The following CDH18 variants were observed in gnomAD, a reference collection of about 807,000 sequenced individuals.
The protein encoded by CDH18 is cadherin 18.
Under a neutral mutation model 67.9 loss-of-function variants are expected in CDH18, and 31 were observed. That is an observed-to-expected ratio of 0.46 (90% CI 0.34 to 0.62). The LOEUF is 0.62. Ranked by LOEUF, CDH18 falls within the 20% of genes least tolerant of loss-of-function variation. CDH18 has a pLI of 0.01. For synonymous variants in CDH18, 362 were observed against 347.2 expected, an observed-to-expected ratio of 1.04 and a Z score of -0.48; for missense variants, 890 against 975.5, an observed-to-expected ratio of 0.91 and a Z score of 1.17.
At chr5:20,243,131 G>A (rs1023975642) in intron 2 of CDH18, among the ~76,000 whole-genome samples, 2 of 152,088 alleles carry the variant, frequency 1.3e-5, no homozygotes, top group African/African-American at 4.8e-5. Context: ...TGGATTCTAA[G>A]GTCTTCCTGG....
chr5:19,769,379 G>A (rs193031387), intron 3 of CDH18, among the ~76,000 whole-genome samples: 136 of 152,194 alleles, frequency 8.9e-4, no homozygotes, highest in East Asian at 2.7e-3. Context: ...CAGAAGCTAG[G>A]AGGGAGTTGG....
At position 20,008,179 on chromosome 5, in the gene CDH18, T is replaced by C. The variant is rs1737082446; in HGVS notation, c.-517-16165A>G. Among the ~76,000 whole-genome samples the C allele has an allele frequency of 2.6e-5, 4 of 152,158 alleles. No individual in the cohort carries two copies. In the South Asian group the frequency reaches 6.2e-4, roughly 24 times the overall value. On this transcript the variant is annotated intron_variant, in intron 2 of 14. Coordinates refer to the CDH18 transcript ENST00000507958. ...GAGATGTGTCTATGTGTGATGGCAATGCACAGTTTGCTTTGGGAATTATAT... is the reference window on the plus strand; with the variant it reads ...GAGATGTGTCTATGTGTGATGGCAACGCACAGTTTGCTTTGGGAATTATAT...
At chr5:20,569,008 C>G (rs1449352062) in intron 1 of CDH18, among the ~76,000 whole-genome samples, 5 of 152,086 alleles carry the variant, frequency 3.3e-5, no homozygotes, top group African/African-American at 1.2e-4. Context: ...CATAATGCAC[C>G]CATATTCATC....
intron 1 of CDH18, among the ~76,000 whole-genome samples, chr5:20,572,011 G>A (rs1281640856): frequency 1.3e-5 from 2 of 152,008 alleles, no homozygotes; most frequent in South Asian, 2.1e-4. Flanking sequence ...AAAGTCTACG[G>A]TGCAATTCAA....
Position 20,536,530 on chromosome 5 carries a change from G to A in CDH18, c.-580+38932C>T, listed in dbSNP as rs145196097. 3.2e-3 allele frequency among the ~76,000 whole-genome samples: 485 copies of A among 152,210 alleles called. 4 individuals are homozygous for A. Among genetic ancestry groups the A allele is most frequent in the African/African-American group, 5.2e-3 (214 of 41,544 alleles). On this transcript the variant is annotated intron_variant, in intron 1 of 14. Coordinates refer to the CDH18 transcript ENST00000507958. ...TGCTTCTGGTGCTGTAGGCCTGAAC[G>A]GTGCCTGGGAGTCAGTACTGTGCTT...
intron 2 of CDH18, among the ~76,000 whole-genome samples, chr5:20,227,086 G>C (rs748797386): frequency 1.3e-4 from 20 of 151,920 alleles, no homozygotes; most frequent in Middle Eastern, 6.8e-3. Context: ...TTGCACAGTT[G>C]GTGAGACCCA....
chr5:20,082,783 G>C (rs1744594638), intron 2 of CDH18, among the ~76,000 whole-genome samples: 1 of 152,190 alleles, frequency 6.6e-6, no homozygotes, highest in Non-Finnish European at 1.5e-5. Context: ...CATATGCGGA[G>C]AAAGACAGTG....
intron 2 of CDH18, among the ~76,000 whole-genome samples, chr5:20,250,181 C>T (rs1254850994): frequency 6.6e-6 from 1 of 152,136 alleles, no homozygotes; most frequent in Non-Finnish European, 1.5e-5. Context: ...TTTACAAAGA[C>T]AATTTGTGTA....
chr5:20,213,707 T>C (rs1326607517), intron 2 of CDH18, among the ~76,000 whole-genome samples: 8 of 152,094 alleles, frequency 5.3e-5, no homozygotes, highest in Non-Finnish European at 1.0e-4. Flanking sequence ...TGTTGGTTAT[T>C]TGTACTTCTG....
At chr5:19,959,431 A>G (rs1796582273) in intron 2 of CDH18, among the ~76,000 whole-genome samples, 1 of 152,128 alleles carries the variant, frequency 6.6e-6, no homozygotes, top group Non-Finnish European at 1.5e-5. Flanking sequence ...TTTTATAAAC[A>G]TAATTGTAAG....
chr5:19,925,303 C>T (rs527790323), intron 2 of CDH18, among the ~76,000 whole-genome samples: 15 of 152,098 alleles, frequency 9.9e-5, no homozygotes, highest in Non-Finnish European at 1.8e-4. Flanking sequence ...GCTTTGTTTC[C>T]GGAAGTACTT....
At chr5:19,505,521 G>C (rs962887269) in intron 10 of CDH18, among the ~76,000 whole-genome samples, 1 of 152,050 alleles carries the variant, frequency 6.6e-6, no homozygotes, top group African/African-American at 2.4e-5. Context: ...AGAGTTTTTA[G>C]CATGAAGCAT....
chr5:19,784,517 T>C (rs945285155), intron 3 of CDH18, among the ~76,000 whole-genome samples: 1 of 152,196 alleles, frequency 6.6e-6, no homozygotes, highest in Non-Finnish European at 1.5e-5. Flanking sequence ...CTTTTCTTTG[T>C]TTCAATTTTT....
At chr5:20,430,928 C>T (rs57822915) in intron 1 of CDH18, among the ~76,000 whole-genome samples, 33,602 of 151,970 alleles carry the variant, frequency 0.22, 3,887 homozygotes, top group East Asian at 0.31. Flanking sequence ...CTAAATGTTA[C>T]GAAAATGTTT....
chr5:20,444,009 G>A (rs958545343), intron 1 of CDH18, among the ~76,000 whole-genome samples: 1 of 151,844 alleles, frequency 6.6e-6, no homozygotes, highest in Non-Finnish European at 1.5e-5. Flanking sequence ...ATCTCTGTAG[G>A]CATCAATTTT....
intron 8 of CDH18, among the ~76,000 whole-genome samples, chr5:19,554,564 A>T (rs937055118): frequency 1.4e-5 from 2 of 148,004 alleles, no homozygotes; most frequent in Non-Finnish European, 3.0e-5. Context: ...AAAAAAAACA[A>T]TTTTTTTTTT....
intron 1 of CDH18, among the ~76,000 whole-genome samples, chr5:20,443,217 A>AAAAAAAC (rs1749760376): frequency 6.8e-6 from 1 of 147,916 alleles, no homozygotes; most frequent in South Asian, 2.1e-4. Context: ...CACAAAAAAA[A>AAAAAAAC]AAAAAAAAAA....
intron 5 of CDH18, among the ~76,000 whole-genome samples, chr5:19,617,440 T>C (rs1750020932): frequency 6.6e-6 from 1 of 152,214 alleles, no homozygotes; most frequent in South Asian, 2.1e-4. Context: ...GAACACTGTG[T>C]AGCCTTTCCA....
rs940493871 is a variant in CDH18, at chr5:20,572,465, C to A, written c.-580+2997G>T. Among the ~76,000 whole-genome samples the A allele has an allele frequency of 1.3e-5, 2 of 151,774 alleles. 1 individual carries two copies. ...AATAGGTCATATTAATATTTCAAGC[C>A]GTTGTTATTTTCAAAGATTATATAC... is the stretch of plus-strand genomic sequence containing the variant. On this transcript the variant is annotated intron_variant, in intron 1 of 14. Coordinates refer to the CDH18 transcript ENST00000507958.
Sources: allele counts gnomAD v4.1 joint callset (sites outside exome capture counted in the v4.1 genomes callset), GRCh38; gene constraint gnomAD v4.1.1; transcripts MANE v1.5; gene names NCBI Gene and HGNC (gene_info 2026-07-23, HGNC 2026-07-21).